Variants in PIK3CG observed in about 807,000 individuals in gnomAD.
PIK3CG encodes phosphatidylinositol-4,5-bisphosphate 3-kinase catalytic subunit gamma.
Under a neutral mutation model 102.3 loss-of-function variants are expected in PIK3CG, and 55 were observed. That is an observed-to-expected ratio of 0.54 (90% CI 0.43 to 0.67). The LOEUF (loss-of-function observed/expected upper bound fraction) is 0.67, where lower values mean the gene tolerates loss of function less well. Among genes scored for constraint, PIK3CG ranks in the 30% least tolerant of loss-of-function variants. PIK3CG has a pLI of 0.00. For synonymous variants in PIK3CG, 552 were observed against 540.0 expected, an observed-to-expected ratio of 1.02 and a Z score of -0.31; for missense variants, 1,258 against 1,391.8, an observed-to-expected ratio of 0.90 and a Z score of 1.53.
Position 106,869,752 on chromosome 7 carries a change from A to G in PIK3CG, c.1995+196A>G, listed in dbSNP as rs888025403. ...TTTTACTGTCTCGGAGGGTTTGCTG[A>G]CAAGGGTTTTGCAGACATTAGTACT... On this transcript the variant is annotated intron_variant, in intron 2 of 10. Transcript: ENST00000496166. This position sits in a 1 kb window ranked among gnomAD's most constrained non-coding sequence, Gnocchi z 5.3. Among the ~76,000 whole-genome samples the G allele has an allele frequency of 3.9e-5, 6 of 152,164 alleles. No individual in the cohort carries two copies. The highest frequency in any genetic ancestry group is 7.4e-5 in the Non-Finnish European group (5 of 68,006).
At chr7:106,900,069 T>A (rs1262614036) in intron 10 of PIK3CG, among the ~76,000 whole-genome samples, 1 of 152,194 alleles carries the variant, frequency 6.6e-6, no homozygotes, top group Non-Finnish European at 1.5e-5. Context: ...AGTTTCTTCC[T>A]GGCTCAGTCT....
intron 1 of PIK3CG, among the ~76,000 whole-genome samples, chr7:106,866,976 CAAAGAGGAAGTA>C (rs1487618092): frequency 6.6e-6 from 1 of 152,108 alleles, no homozygotes; most frequent in Non-Finnish European, 1.5e-5. Flanking sequence ...TGAGACTTAA[CAAAGAGGAAGTA>C]AGTTAAAGGC....
At position 106,903,187 on chromosome 7, in the gene PIK3CG, C is replaced by T. The variant is rs981560381; in HGVS notation, c.3031-1922C>T. Among the ~76,000 whole-genome samples, 5 of 152,122 alleles carry T rather than the reference C, an allele frequency of 3.3e-5. No individual in the cohort carries two copies. The highest frequency in any genetic ancestry group is 7.4e-5 in the Non-Finnish European group (5 of 68,002). On this transcript the variant is annotated intron_variant, in intron 10 of 10. Coordinates refer to ENST00000496166, the MANE Select transcript of PIK3CG (RefSeq NM_001282426.2). The surrounding 1 kb of genome is among the most constrained non-coding windows in gnomAD (Gnocchi z 4.3). ...GGAGAAGACTACTTACTGGTTCGCA[C>T]TGTTTTTAATAATGTAGTTTTATAA...
rs2116545937 is a variant in PIK3CG at position 106,883,150 on chromosome 7, C to T, written c.2747C>T (p.Pro916Leu). ...VLNHWLKEKS[P>L]TEEKFQAAVE... is the part of the protein sequence containing the mutation. ...AATCACTGGCTCAAAGAAAAATCCC[C>T]TACTGAAGAAAAGGTGAGCTCATGC... The change falls in exon 8 of 11, where the codon CCT (proline) becomes CTT (leucine). Residue 916 changes from proline (P) to leucine (L), a missense_variant. Physicochemically the swap from Pro to Leu is moderately conservative, Grantham distance 98. Around this residue, in one of 2 missense-constraint regions of PIK3CG, gnomAD observed 426 missense variants for 604.2 expected, o/e 0.71. Coordinates refer to ENST00000496166, the MANE Select transcript of PIK3CG (RefSeq NM_001282426.2). The surrounding 1 kb of genome is among the most constrained non-coding windows in gnomAD (Gnocchi z 5.8). 1 of 1,614,124 alleles carries T rather than the reference C, an allele frequency of 6.2e-7. No homozygotes were observed. The highest frequency in any genetic ancestry group is 8.5e-7 in the Non-Finnish European group (1 of 1,179,974).
rs938181734 is a variant in PIK3CG, at chr7:106,867,665, T to C, written c.104T>C (p.Met35Thr). The change falls in exon 2 of 11, where the codon ATG (methionine) becomes ACG (threonine). Residue 35 changes from methionine (M) to threonine (T), a missense_variant. By Grantham distance (81) the Met-to-Thr change is moderately conservative. This residue lies in a region of PIK3CG where 832 missense variants were observed against 787.5 expected (regional missense o/e 1.06). Transcript: ENST00000496166. This position sits in a 1 kb window ranked among gnomAD's most constrained non-coding sequence, Gnocchi z 5.1. ...PRSAAASLSS[M>T]ELIPIEFVLP... ...AGTGCTGCGGCCAGCCTGTCCTCCA[T>C]GGAGCTCATCCCCATCGAGTTCGTG... 9 of 1,613,414 alleles carry C rather than the reference T, an allele frequency of 5.6e-6. No homozygotes were observed. The highest frequency in any genetic ancestry group is 1.3e-5 in the African/African-American group (1 of 75,072).
rs566204797 is a variant in PIK3CG, at chr7:106,893,926, T to G, written c.3030+7634T>G. Among the ~76,000 whole-genome samples the G allele has an allele frequency of 3.0e-4, 45 of 152,318 alleles. No homozygotes were observed. In the South Asian group the frequency reaches 6.4e-3, roughly 22 times the overall value. Reference sequence around the variant, plus strand: ...GTACAGCATGTTACTTACTGAATACTGTAGGCAGTTGTGACACAATGTTAT... The same window carrying G: ...GTACAGCATGTTACTTACTGAATACGGTAGGCAGTTGTGACACAATGTTAT... On this transcript the variant is annotated intron_variant, in intron 10 of 10. Coordinates refer to ENST00000496166, the MANE Select transcript of PIK3CG (RefSeq NM_001282426.2). The surrounding 1 kb of genome is among the most constrained non-coding windows in gnomAD (Gnocchi z 4.4).
In PIK3CG at chr7:106,906,347, T is replaced by C. The variant is rs917013464; in HGVS notation, c.*960T>C. On this transcript the variant is annotated 3_prime_UTR_variant, in exon 11 of 11. Transcript: ENST00000496166. ...GGTACTTATTTGTAAAGATGTTTAG[T>C]GACTTTTTTTTCAAGTATCTTATTA... is the stretch of plus-strand genomic sequence containing the variant. 2 of 229,776 alleles carry C rather than the reference T, an allele frequency of 8.7e-6. No individual in the cohort carries two copies. Among genetic ancestry groups the C allele is most frequent in the Non-Finnish European group, 1.7e-5 (2 of 116,146 alleles). The allele number at this position is 229,776 out of a possible 1,614,324, so 14.2% of individuals were successfully genotyped here.
intron 7 of PIK3CG, 76 bp downstream of exon 7, chr7:106,882,283 T>C: frequency 1.6e-6 from 1 of 607,288 alleles, no homozygotes; most frequent in South Asian, 3.1e-5. Context: ...GTGTAGACAT[T>C]TAATAACTGA....
At position 106,882,133 on chromosome 7, in the gene PIK3CG, A is replaced by G; in HGVS notation, c.2555A>G (p.Glu852Gly). Residue 852 changes from glutamate to glycine, a missense_variant, in exon 7 of 11, where the codon GAG becomes GGG. By Grantham distance (98) the Glu-to-Gly change is moderately conservative. Coordinates refer to ENST00000496166, the MANE Select transcript of PIK3CG (RefSeq NM_001282426.2). ...MLILQILRIMESIWETESLDL... is the reference protein window; with the variant it reads ...MLILQILRIMGSIWETESLDL... ...GATGCCCAGATTCTACGAATCATGG[A>G]GTCTATTTGGGAGACTGAATCTTTG... The G allele has an allele frequency of 1.3e-6, 2 of 1,516,052 alleles. No individual in the cohort carries two copies. The highest frequency in any genetic ancestry group is 1.4e-5 in the African/African-American group (1 of 71,320). 93.9% of individuals were successfully genotyped at this position (1,516,052 alleles called of 1,614,324 possible). A position where few individuals can be genotyped will look rare whatever the true frequency, so the allele number is the denominator to read the frequency against.
At chr7:106,888,262 T>C (rs180714957) in intron 10 of PIK3CG, among the ~76,000 whole-genome samples, 40 of 152,228 alleles carry the variant, frequency 2.6e-4, no homozygotes, top group African/African-American at 9.1e-4. Flanking sequence ...TTTGTATATA[T>C]GTTATCTTCC....
chr7:106,883,789 C>T lies in PIK3CG; in HGVS notation c.2761-366C>T, dbSNP rs1414870268. On this transcript the variant is annotated intron_variant, in intron 8 of 10. Coordinates refer to ENST00000496166, the MANE Select transcript of PIK3CG (RefSeq NM_001282426.2). This position sits in a 1 kb window ranked among gnomAD's most constrained non-coding sequence, Gnocchi z 5.8. ...TCTGTTATACATGGGGATCTGTGAACCCAAGCATACTCTTAGTGGTCACAA... is the reference window on the plus strand; with the variant it reads ...TCTGTTATACATGGGGATCTGTGAATCCAAGCATACTCTTAGTGGTCACAA... 6.6e-6 allele frequency among the ~76,000 whole-genome samples: 1 copy of T among 152,098 alleles called. No homozygotes were observed. The highest frequency in any genetic ancestry group is 1.5e-5 in the Non-Finnish European group (1 of 68,022).
intron 4 of PIK3CG, among the ~76,000 whole-genome samples, chr7:106,873,717 C>G (rs1790620825): frequency 1.3e-5 from 2 of 149,504 alleles, no homozygotes; most frequent in African/African-American, 2.5e-5. Flanking sequence ...GACTCTGTAT[C>G]TGTGTGTGTG....
At position 106,893,524 on chromosome 7, in the gene PIK3CG, C is replaced by T. The variant is rs1791320306; in HGVS notation, c.3030+7232C>T. ...GTTTCTTTCAGAACATTTTGTCTAA[C>T]ATAGAATATTGTCAGGGACATTGTT... On this transcript the variant is annotated intron_variant, in intron 10 of 10. Transcript: ENST00000496166. This position sits in a 1 kb window ranked among gnomAD's most constrained non-coding sequence, Gnocchi z 4.4. Among the ~76,000 whole-genome samples the T allele has an allele frequency of 2.0e-5, 3 of 152,204 alleles. No homozygotes were observed. Among genetic ancestry groups the T allele is most frequent in the Non-Finnish European group, 4.4e-5 (3 of 68,034 alleles).
rs961272398 is a variant in PIK3CG, at chr7:106,884,959, A to C, written c.2872+693A>C. 6.6e-6 allele frequency among the ~76,000 whole-genome samples: 1 copy of C among 152,218 alleles called. No homozygotes were observed. The highest frequency in any genetic ancestry group is 1.5e-5 in the Non-Finnish European group (1 of 68,044). On this transcript the variant is annotated intron_variant, in intron 9 of 10. Transcript: ENST00000496166. The surrounding 1 kb of genome is among the most constrained non-coding windows in gnomAD (Gnocchi z 4.2). ...CACAGTCTAGATCTTTCTCGTGCACAGTTCACAATAGGGTTTGTGTTCCTA... is the reference window on the plus strand; with the variant it reads ...CACAGTCTAGATCTTTCTCGTGCACCGTTCACAATAGGGTTTGTGTTCCTA...
chr7:106,887,100 C>T (rs554993604), intron 10 of PIK3CG, among the ~76,000 whole-genome samples: 1 of 152,172 alleles, frequency 6.6e-6, no homozygotes, highest in South Asian at 2.1e-4. Flanking sequence ...ATGAGCTTGG[C>T]GTAGATTCTA....
chr7:106,886,952 T>G (rs538824107), intron 10 of PIK3CG, among the ~76,000 whole-genome samples: 37 of 152,168 alleles, frequency 2.4e-4, no homozygotes, highest in African/African-American at 5.5e-4. Context: ...AAGAATTGTC[T>G]TGGGCAACAC....
rs955184360 is a variant in PIK3CG at position 106,879,137 on chromosome 7, T to C, written c.2392-382T>C. On this transcript the variant is annotated intron_variant, in intron 5 of 10. Transcript: ENST00000496166. This position sits in a 1 kb window ranked among gnomAD's most constrained non-coding sequence, Gnocchi z 4.9. ...TGACATTGTGGTAGCATTAGAATTC[T>C]TTTTTCAAATTAAATCTCAGAAGGC... Among the ~76,000 whole-genome samples, 2 of 152,214 alleles carry C rather than the reference T, an allele frequency of 1.3e-5. No individual in the cohort carries two copies. Among genetic ancestry groups the C allele is most frequent in the African/African-American group, 2.4e-5 (1 of 41,444 alleles).
chr7:106,885,789 C>G lies in PIK3CG; in HGVS notation c.2873-346C>G, dbSNP rs543930965. On this transcript the variant is annotated intron_variant, in intron 9 of 10. Coordinates refer to ENST00000496166, the MANE Select transcript of PIK3CG (RefSeq NM_001282426.2). ...AAGCAGAGTGAAACATCAGTCTATC[C>G]TGAGTTGCGTAAAGAGCATAAGAGA... is the stretch of plus-strand genomic sequence containing the variant. Among the ~76,000 whole-genome samples the G allele has an allele frequency of 2.4e-4, 37 of 152,160 alleles. No homozygotes were observed. In the Middle Eastern group the frequency reaches 0.01, roughly 42 times the overall value.
chr7:106,872,548 T>G lies in PIK3CG; in HGVS notation c.2007T>G (p.Phe669Leu). 1 of 1,613,638 alleles carries G rather than the reference T, an allele frequency of 6.2e-7. No homozygotes were observed. Among genetic ancestry groups the G allele is most frequent in the Non-Finnish European group, 8.5e-7 (1 of 1,179,470 alleles). ...YLLQLVQAVK[F>L]EPYHDSALAR... is the part of the protein sequence containing the mutation. The stretch of plus-strand genomic sequence containing the variant: ...TGTTCTTCCTTTAGGCTGTGAAATT[T>G]GAACCATACCATGATAGCGCCCTTG... The change falls in exon 3 of 11, where the codon TTT (phenylalanine) becomes TTG (leucine). Residue 669 changes from phenylalanine (F) to leucine (L), a missense_variant. Physicochemically the swap from Phe to Leu is conservative, Grantham distance 22 (BLOSUM62 0). Around this residue, in one of 2 missense-constraint regions of PIK3CG, gnomAD observed 426 missense variants for 604.2 expected, o/e 0.71. Coordinates refer to ENST00000496166, the MANE Select transcript of PIK3CG (RefSeq NM_001282426.2). The surrounding 1 kb of genome is among the most constrained non-coding windows in gnomAD (Gnocchi z 5.3).
Sources: gnomAD v4.1 joint callset for allele counts (sites outside exome capture counted in the v4.1 genomes callset) on GRCh38, gnomAD v4.1.1 for gene constraint, gnomAD v4.1.1 regional missense constraint, Gnocchi (gnomAD v3.1) non-coding constraint, MANE v1.5 for transcripts, NCBI Gene and HGNC (gene_info 2026-07-23, HGNC 2026-07-21) for gene names.